Variants in MYH7 observed in about 807,000 individuals in gnomAD.
MYH7 encodes myosin heavy chain 7, also known as myosin-7.
MYH7 carries 129 observed loss-of-function variants against 225.4 expected under a neutral mutation model. The ratio of observed to expected loss-of-function variants is 0.57; its 90% CI spans 0.50 to 0.66. MYH7 has a LOEUF of 0.66. Ranked by LOEUF, MYH7 falls within the 30% of genes least tolerant of loss-of-function variation. The probability of loss-of-function intolerance (pLI) is 0.00; values close to 1 mark genes in which losing one functional copy is unlikely to be tolerated. For synonymous variants in MYH7, 971 were observed against 1,007.6 expected (o/e 0.96, Z 0.69); for missense variants, 1,649 against 2,517.0 (o/e 0.66, Z 7.38).
Position 23,428,480 on chromosome 14 carries a change from T to C in MYH7, c.1578+20A>G. The C allele has an allele frequency of 6.2e-7, 1 of 1,614,072 alleles. No homozygotes were observed. The highest frequency in any genetic ancestry group is 8.5e-7 in the Non-Finnish European group (1 of 1,180,006). ...GTTGGGTGTGCAGGGAGAATTCAGG[T>C]GGTAAGGCCAAAGAGGCACCTTCTC... On this transcript the variant is annotated intron_variant, in intron 15 of 39. Coordinates refer to ENST00000355349, the MANE Select transcript of MYH7 (RefSeq NM_000257.4).
Position 23,431,400 on chromosome 14 carries a change from C to A in MYH7, c.796+18G>T, listed in dbSNP as rs1892931244. ...AAGGGTGAGCTTAGGCTGAGCCTAG[C>A]AGATTCATGGCACTCACAGGTCTCT... On this transcript the variant is annotated intron_variant, in intron 9 of 39. Coordinates refer to ENST00000355349, the MANE Select transcript of MYH7 (RefSeq NM_000257.4). The A allele has an allele frequency of 6.2e-7, 1 of 1,612,584 alleles. No individual in the cohort carries two copies. The highest frequency in any genetic ancestry group is 1.3e-5 in the African/African-American group (1 of 74,890).
chr14:23,413,976 C>T, intron 38 of MYH7, 31 bp downstream of exon 38: 1 of 1,614,110 alleles, frequency 6.2e-7, no homozygotes, highest in East Asian at 2.2e-5. Context: ...CTATGCCTCC[C>T]CTGGGCCTAG....
In MYH7 at chr14:23,414,018, C is replaced by T. The variant is rs1892080672; in HGVS notation, c.5644G>A (p.Ala1882Thr). ...GCAGGGTCACTCACCGCCTCCTCGG[C>T]CTGGCGCTTGTAGGCCTTGACCTTT... ...QLKVKAYKRQ[A>T]EEAEEQANTN... Residue 1882 changes from alanine (A) to threonine (T), a missense_variant, in exon 38 of 40, where the codon GCC becomes ACC. Coordinates refer to ENST00000355349, the MANE Select transcript of MYH7 (RefSeq NM_000257.4). 6.2e-7 allele frequency: 1 copy of T among 1,614,086 alleles called. No homozygotes were observed. Among genetic ancestry groups the T allele is most frequent in the South Asian group, 1.1e-5 (1 of 91,092 alleles).
At position 23,420,161 on chromosome 14, in the gene MYH7, G is replaced by A; in HGVS notation, c.3410C>T (p.Ser1137Leu). ...TARAKVEKLR[S>L]DLSRELEEIS... ...CTCCTCCAGCTCCCGAGACAGGTCTGAGCGCAGCTTCTCCACCTTAGCCCT... is the reference window on the plus strand; with the variant it reads ...CTCCTCCAGCTCCCGAGACAGGTCTAAGCGCAGCTTCTCCACCTTAGCCCT... Residue 1137 changes from serine to leucine, a missense_variant, in exon 27 of 40, where the codon TCA becomes TTA. Ser to Leu is a moderately radical substitution (Grantham distance 145). Coordinates refer to ENST00000355349, the MANE Select transcript of MYH7 (RefSeq NM_000257.4). 6.2e-7 allele frequency: 1 copy of A among 1,602,616 alleles called. No individual in the cohort carries two copies. The highest frequency in any genetic ancestry group is 1.1e-5 in the South Asian group (1 of 89,830).
Position 23,424,026 on chromosome 14 carries a change from C to T in MYH7, c.2803G>A (p.Glu935Lys), listed in dbSNP as rs121913639. 4 of 1,614,256 alleles carry T rather than the reference C, an allele frequency of 2.5e-6. No homozygotes were observed. The East Asian group carries it at 8.9e-5, about 36-fold the overall frequency. ...RLEDEEEMNA[E>K]LTAKKRKLED... is the part of the protein sequence containing the mutation. ...AGCTTGCGCTTCTTGGCAGTGAGCT[C>T]AGCATTCATCTCCTCCTCATCCTCC... is the stretch of plus-strand genomic sequence containing the variant. Residue 935 changes from glutamate (E) to lysine (K), a missense_variant, in exon 23 of 40, where the codon GAG becomes AAG. Glu to Lys is a moderately conservative substitution (Grantham distance 56, BLOSUM62 1). Transcript: ENST00000355349.
In MYH7 at chr14:23,430,548, T is replaced by C. The variant is rs752672323; in HGVS notation, c.999+12A>G. 1 of 1,608,848 alleles carries C rather than the reference T, an allele frequency of 6.2e-7. No homozygotes were observed. Among genetic ancestry groups the C allele is most frequent in the Non-Finnish European group, 8.5e-7 (1 of 1,175,588 alleles). On this transcript the variant is annotated intron_variant, in intron 11 of 39. Coordinates refer to ENST00000355349, the MANE Select transcript of MYH7 (RefSeq NM_000257.4). ...ATCCTCCCACCCCCTGGCTGGGTCC[T>C]CACACACTCACATCAGTGGCCATGA...
intron 32 of MYH7, 62 bp from the exon 33 acceptor site, chr14:23,417,054 A>G (rs111634369): frequency 1.2e-6 from 2 of 1,613,948 alleles, no homozygotes; most frequent in African/African-American, 1.3e-5. Flanking sequence ...TTGGAGGGAC[A>G]CGCCTCTTTG....
chr14:23,423,564 C>G lies in MYH7; in HGVS notation c.3082G>C (p.Glu1028Gln). 1 of 1,613,950 alleles carries G rather than the reference C, an allele frequency of 6.2e-7. No homozygotes were observed. Among genetic ancestry groups the G allele is most frequent in the Non-Finnish European group, 8.5e-7 (1 of 1,180,014 alleles). The change falls in exon 24 of 40, where the codon GAG becomes CAG. Residue 1028 changes from glutamate to glutamine, a missense_variant. This residue lies in a region of MYH7 where 282 missense variants were observed against 315.3 expected (regional missense o/e 0.89). Transcript: ENST00000355349. ...CTACTCACATCATCCACTTGCTGCT[C>G]CAGCTTGACTTTGGCCTTAGTCAGG... ...NTLTKAKVKL[E>Q]QQVDDLEGSL...
At chr14:23,413,930 G>A (rs763957408) in intron 38 of MYH7, 37 bp from the exon 39 acceptor site, 3 of 1,614,120 alleles carry the variant, frequency 1.9e-6, no homozygotes, top group Non-Finnish European at 1.7e-6. Flanking sequence ...GAGGGGGCCT[G>A]GGTTCTCAGA....
At chr14:23,414,918 A>G in intron 37 of MYH7, 77 bp downstream of exon 37, 1 of 1,590,474 alleles carries the variant, frequency 6.3e-7, no homozygotes, top group Non-Finnish European at 8.5e-7. Context: ...GCTAAGAGCA[A>G]ACTCTTCATT....
Position 23,415,154 on chromosome 14 carries a change from G to A in MYH7, c.5400C>T (p.Ala1800=), listed in dbSNP as rs556490774. Residue 1800 remains alanine (A), a synonymous_variant, in exon 37 of 40, where the codon GCC becomes GCT. Transcript: ENST00000355349. This position sits in a 1 kb window ranked among gnomAD's most constrained non-coding sequence, Gnocchi z 6.3. ...IKDLQHRLDE[A]EQIALKGGKK... ...TGCCGCCCTTGAGGGCGATCTGCTC[G>A]GCTTCGTCCAGCCGGTGCTGCAGGT... 51 of 1,614,192 alleles carry A rather than the reference G, an allele frequency of 3.2e-5. No individual in the cohort carries two copies. Among genetic ancestry groups the A allele is most frequent in the East Asian group, 2.0e-4 (9 of 44,880 alleles).
chr14:23,423,739 C>A lies in MYH7; in HGVS notation c.2923-16G>T, dbSNP rs188634023. ...GGTTTTTCACCTGCCGACCAAGAAT[C>A]CCATCTCCTTTAGGGTCAAAGGTCA... On this transcript the variant is annotated splice_polypyrimidine_tract_variant and intron_variant, in intron 23 of 39. Transcript: ENST00000355349. 2.5e-6 allele frequency: 4 copies of A among 1,614,044 alleles called. No individual in the cohort carries two copies. The highest frequency in any genetic ancestry group is 3.4e-6 in the Non-Finnish European group (4 of 1,180,030).
At chr14:23,417,962 G>C (rs754456817) in intron 30 of MYH7, 7 of 867,384 alleles carry the variant, frequency 8.1e-6, no homozygotes, top group Non-Finnish European at 1.2e-5. Flanking sequence ...CCCTGCCACA[G>C]TGCCCTGCCC....
chr14:23,429,107 G>T lies in MYH7; in HGVS notation c.1258-3C>A. The T allele has an allele frequency of 6.2e-6, 10 of 1,614,210 alleles. No individual in the cohort carries two copies. Among genetic ancestry groups the T allele is most frequent in the Non-Finnish European group, 8.5e-6 (10 of 1,180,030 alleles). Reference sequence around the variant, plus strand: ...AGTGCCCCAGTGGCATATATCACCTGCAAGGTGGAGGAGAGACCCATATTG... The same window carrying T: ...AGTGCCCCAGTGGCATATATCACCTTCAAGGTGGAGGAGAGACCCATATTG... On this transcript the variant is annotated splice_polypyrimidine_tract_variant and splice_region_variant and intron_variant, in intron 13 of 39. Coordinates refer to ENST00000355349, the MANE Select transcript of MYH7 (RefSeq NM_000257.4).
rs397516101 is a variant in MYH7, at chr14:23,429,004, C to T, written c.1358G>A (p.Arg453His). 6.2e-7 allele frequency: 1 copy of T among 1,614,106 alleles called. No individual in the cohort carries two copies. Among genetic ancestry groups the T allele is most frequent in the Non-Finnish European group, 8.5e-7 (1 of 1,180,060 alleles). Residue 453 changes from arginine to histidine, a missense_variant, in exon 14 of 40, where the codon CGC becomes CAC. Arg to His is a conservative substitution (Grantham distance 29). Transcript: ENST00000355349. ...GTCCAGGACTCCTATGAAGTACTGG[C>T]GTGGCTGCTTGGTCTCCAGGGTGGC... is the stretch of plus-strand genomic sequence containing the variant. ...INATLETKQPRQYFIGVLDIA... is the reference protein window; with the variant it reads ...INATLETKQPHQYFIGVLDIA...
chr14:23,424,886 C>A lies in MYH7; in HGVS notation c.2562G>T (p.Glu854Asp), dbSNP rs778148245. ...GCGCCTCTTTGAGGCGTGTGAACTC[C>A]TCCTTCATGGAGGCCATCTCCTTCT... ...EREKEMASMK[E>D]EFTRLKEALE... is the part of the protein sequence containing the mutation. The change falls in exon 22 of 40, where the codon GAG (glutamate) becomes GAT (aspartate). Residue 854 changes from glutamate to aspartate, a missense_variant. Glu to Asp is a conservative substitution (Grantham distance 45, BLOSUM62 2). Coordinates refer to ENST00000355349, the MANE Select transcript of MYH7 (RefSeq NM_000257.4). 2 of 1,614,230 alleles carry A rather than the reference C, an allele frequency of 1.2e-6. No individual in the cohort carries two copies. The highest frequency in any genetic ancestry group is 1.7e-6 in the Non-Finnish European group (2 of 1,180,028).
chr14:23,417,480 T>C lies in MYH7; in HGVS notation c.4353+23A>G, dbSNP rs533030007. ...ATGCCCCCTTGCCCTGCATGCTGGC[T>C]GCGGCCCCCACCCAGGGCCCACCTT... On this transcript the variant is annotated intron_variant, in intron 31 of 39. Coordinates refer to ENST00000355349, the MANE Select transcript of MYH7 (RefSeq NM_000257.4). The C allele has an allele frequency of 3.2e-5, 51 of 1,612,252 alleles. No individual in the cohort carries two copies. In the East Asian group the frequency reaches 8.0e-4, roughly 25 times the overall value.
intron 15 of MYH7, among the ~76,000 whole-genome samples, chr14:23,428,139 G>A (rs570758093): frequency 2.0e-5 from 3 of 152,264 alleles, no homozygotes; most frequent in South Asian, 2.1e-4. Flanking sequence ...ACCACTCCAC[G>A]ACCCAGATGC....
chr14:23,434,547 A>G (rs1893073121), intron 1 of MYH7, among the ~76,000 whole-genome samples: 1 of 152,206 alleles, frequency 6.6e-6, no homozygotes, highest in African/African-American at 2.4e-5. Flanking sequence ...TCTTTGAGCC[A>G]TCTGAGAGAC....
Sources: gnomAD v4.1 joint callset for allele counts (sites outside exome capture counted in the v4.1 genomes callset) on GRCh38, gnomAD v4.1.1 for gene constraint, gnomAD v4.1.1 regional missense constraint, Gnocchi (gnomAD v3.1) non-coding constraint, MANE v1.5 for transcripts, NCBI Gene and HGNC (gene_info 2026-07-23, HGNC 2026-07-21) for gene names.